The following FARS2 variants were observed in gnomAD, a reference collection of about 807,000 sequenced individuals.
FARS2 encodes phenylalanyl-tRNA synthetase 2, mitochondrial.
Under a neutral mutation model 46.4 loss-of-function variants are expected in FARS2, and 40 were observed. The ratio of observed to expected loss-of-function variants is 0.86; its 90% CI spans 0.67 to 1.12. The LOEUF (loss-of-function observed/expected upper bound fraction) is 1.12, where lower values mean the gene tolerates loss of function less well. FARS2 is among the 50% of genes most tolerant of loss of function. FARS2 has a pLI of 0.00. For missense variants in FARS2, 513 were observed against 567.9 expected (o/e 0.90, Z 0.98); for synonymous variants, 234 against 214.9 (o/e 1.09, Z -0.78).
intron 1 of FARS2, among the ~76,000 whole-genome samples, chr6:5,331,440 G>A (rs1407078911): frequency 6.6e-6 from 1 of 152,220 alleles, no homozygotes; most frequent in African/African-American, 2.4e-5. Flanking sequence ...GCCACAGGGA[G>A]GGATTTGAAT....
intron 6 of FARS2, among the ~76,000 whole-genome samples, chr6:5,759,917 G>C (rs922213423): frequency 1.3e-5 from 2 of 152,184 alleles, no homozygotes; most frequent in African/African-American, 4.8e-5. Context: ...CATGTTACTT[G>C]TATGATGAAT....
At chr6:5,578,641 C>A (rs1483587143) in intron 5 of FARS2, among the ~76,000 whole-genome samples, 1 of 151,790 alleles carries the variant, frequency 6.6e-6, no homozygotes, top group Non-Finnish European at 1.5e-5. Context: ...AACCCCATCT[C>A]CACTAAAAAT....
intron 1 of FARS2, among the ~76,000 whole-genome samples, chr6:5,353,987 A>G (rs956073482): frequency 2.8e-5 from 4 of 140,530 alleles, no homozygotes; most frequent in African/African-American, 1.1e-4. Flanking sequence ...GGTCACAGAC[A>G]TATATTCTGG....
chr6:5,657,238 C>T (rs1777645081), intron 6 of FARS2, among the ~76,000 whole-genome samples: 1 of 152,082 alleles, frequency 6.6e-6, no homozygotes, highest in Non-Finnish European at 1.5e-5. Context: ...TCAGCTTCCA[C>T]CCCCCTCACA....
At chr6:5,326,651 C>A (rs1237071689) in intron 1 of FARS2, among the ~76,000 whole-genome samples, 1 of 152,210 alleles carries the variant, frequency 6.6e-6, no homozygotes, top group Non-Finnish European at 1.5e-5. Context: ...CCTTCCACCC[C>A]CTTCAGGAAC....
intron 5 of FARS2, chr6:5,610,261 G>C (rs1775098139): frequency 1.7e-5 from 8 of 468,726 alleles, no homozygotes; most frequent in Non-Finnish European, 2.7e-5. Flanking sequence ...GCAGAAAGTA[G>C]CAAGCTGACG....
chr6:5,736,138 G>A (rs1389872887), intron 6 of FARS2, among the ~76,000 whole-genome samples: 1 of 152,194 alleles, frequency 6.6e-6, no homozygotes, highest in Non-Finnish European at 1.5e-5. Context: ...TCAGTCGGCT[G>A]TGCCAGGAAA....
chr6:5,769,633 G>A (rs1762930448), intron 6 of FARS2, among the ~76,000 whole-genome samples: 1 of 152,218 alleles, frequency 6.6e-6, no homozygotes, highest in Non-Finnish European at 1.5e-5. Context: ...AAAGAGCCAG[G>A]TGGGGAGAGG....
At position 5,343,645 on chromosome 6, in the gene FARS2, C is replaced by G. The variant is rs1297028874; in HGVS notation, c.-21-24905C>G. Among the ~76,000 whole-genome samples the G allele has an allele frequency of 1.3e-5, 2 of 152,190 alleles. No individual in the cohort carries two copies. The highest frequency in any genetic ancestry group is 4.8e-5 in the African/African-American group (2 of 41,438). ...AACATGTAAACCCAGTGTTGAACTT[C>G]TGTACATTAAGTTTTTATCACCTTT... On this transcript the variant is annotated intron_variant, in intron 1 of 6. Coordinates refer to ENST00000274680, the MANE Select transcript of FARS2 (RefSeq NM_006567.5). The surrounding 1 kb of genome is among the most constrained non-coding windows in gnomAD (Gnocchi z 4.5).
chr6:5,375,809 A>G (rs992132230), intron 2 of FARS2, among the ~76,000 whole-genome samples: 1 of 152,166 alleles, frequency 6.6e-6, no homozygotes, highest in Non-Finnish European at 1.5e-5. Flanking sequence ...CTCTAAATCC[A>G]TCAAATGGAT....
chr6:5,449,212 G>A (rs1319536054), intron 4 of FARS2, among the ~76,000 whole-genome samples: 1 of 152,016 alleles, frequency 6.6e-6, no homozygotes, highest in Non-Finnish European at 1.5e-5. Context: ...AGCTGGGTGT[G>A]TTGGTGGGCA....
chr6:5,620,200 A>G (rs556010372), intron 6 of FARS2, among the ~76,000 whole-genome samples: 1 of 152,124 alleles, frequency 6.6e-6, no homozygotes, highest in Non-Finnish European at 1.5e-5. Context: ...CCTACCGTGC[A>G]CGCGCACAGA....
intron 3 of FARS2, among the ~76,000 whole-genome samples, chr6:5,419,041 G>A (rs920222889): frequency 2.0e-5 from 3 of 151,466 alleles, no homozygotes; most frequent in Non-Finnish European, 2.9e-5. Context: ...TCCCCTCTTC[G>A]CCTTCATTAT....
chr6:5,505,839 T>TG (rs1474835748), intron 4 of FARS2, among the ~76,000 whole-genome samples: 2 of 152,136 alleles, frequency 1.3e-5, no homozygotes, highest in African/African-American at 4.8e-5. Context: ...TTCCTGAGAC[T>TG]CCCCTTCAGT....
intron 1 of FARS2, among the ~76,000 whole-genome samples, chr6:5,341,207 ATATATATATATATATATATATATATATAT>A (rs1267476353): frequency 0.013 from 43 of 3,432 alleles, 4 homozygotes; most frequent in African/African-American, 0.038. Context: ...ATATATATAT[ATATATATATATATATATATATATATATAT>A]TTTTTTTTTT....
rs779028161 is a variant in FARS2, at chr6:5,560,262, T to C, written c.1065+14922T>C. Reference sequence around the variant, plus strand: ...TGTTTCCTTCTACTTTGAGTTTGCTTCAAGTTGTTGCTACAAATGAATGCT... The same window carrying C: ...TGTTTCCTTCTACTTTGAGTTTGCTCCAAGTTGTTGCTACAAATGAATGCT... On this transcript the variant is annotated intron_variant, in intron 5 of 6. Transcript: ENST00000274680. Among the ~76,000 whole-genome samples, 27 of 152,192 alleles carry C rather than the reference T, an allele frequency of 1.8e-4. 1 individual carries two copies. The highest frequency in any genetic ancestry group is 2.0e-4 in the Admixed American group (3 of 15,286).
At position 5,728,262 on chromosome 6, in the gene FARS2, G is replaced by GGCTTCTTT. The variant is rs1381998665; in HGVS notation, c.1218-43029_1218-43028insGCTTCTTT. Among the ~76,000 whole-genome samples, 24 of 152,150 alleles carry GGCTTCTTT rather than the reference G, an allele frequency of 1.6e-4. 1 individual carries two copies. In the East Asian group the frequency reaches 4.4e-3, roughly 28 times the overall value. Reference sequence around the variant, plus strand: ...GGGTTTGTTTCAAAATAGCCTAATAGCTGGGAATGGGCTGGTTTGGCTTGC... The same window carrying GGCTTCTTT: ...GGGTTTGTTTCAAAATAGCCTAATAGGCTTCTTTCTGGGAATGGGCTGGTTTGGCTTGC... On this transcript the variant is annotated intron_variant, in intron 6 of 6. Transcript: ENST00000274680.
chr6:5,299,926 A>G (rs1391689945), intron 1 of FARS2, among the ~76,000 whole-genome samples: 2 of 152,174 alleles, frequency 1.3e-5, no homozygotes, highest in African/African-American at 4.8e-5. Context: ...AATTTCCATA[A>G]TAAATTCCTT....
chr6:5,617,413 C>T (rs1210775654), intron 6 of FARS2, among the ~76,000 whole-genome samples: 1 of 152,204 alleles, frequency 6.6e-6, no homozygotes, highest in South Asian at 2.1e-4. Context: ...AAATAAGGGG[C>T]TTGGTGATTG....
Sources: gnomAD v4.1 joint callset for allele counts (sites outside exome capture counted in the v4.1 genomes callset) on GRCh38, gnomAD v4.1.1 for gene constraint, Gnocchi (gnomAD v3.1) non-coding constraint, MANE v1.5 for transcripts, NCBI Gene and HGNC (gene_info 2026-07-23, HGNC 2026-07-21) for gene names.